ULK1: variants seen among roughly 807,000 people sequenced by gnomAD.
The protein encoded by ULK1 is unc-51 like autophagy activating kinase 1.
Under a neutral mutation model 117.5 loss-of-function variants are expected in ULK1, and 48 were observed. The observed-to-expected ratio is 0.41, with a 90% CI of 0.32 to 0.52. The LOEUF (loss-of-function observed/expected upper bound fraction) is 0.52. Among genes scored for constraint, ULK1 ranks in the 20% least tolerant of loss-of-function variants. The pLI, the probability that ULK1 is intolerant of heterozygous loss-of-function variation, is 0.29. For missense variants in ULK1, 1,387 were observed against 1,473.4 expected (o/e 0.94, Z 0.96); for synonymous variants, 790 against 637.8 (o/e 1.24, Z -3.60).
chr12:131,919,282 C>G lies in ULK1; in HGVS notation c.2582C>G (p.Ala861Gly), dbSNP rs1266516860. 1.9e-6 allele frequency: 3 copies of G among 1,598,878 alleles called. No homozygotes were observed. Among genetic ancestry groups the G allele is most frequent in the Non-Finnish European group, 1.7e-6 (2 of 1,176,692 alleles). ...TTCGTGCAGCACGTCCTGGAGATCG[C>G]AGCCCTGAAGGGCAGCGCCAGTGAG... is the stretch of plus-strand genomic sequence containing the variant. ...LLFVQHVLEI[A>G]ALKGSASEAA... The change falls in exon 24 of 28, where the codon GCA becomes GGA. Residue 861 changes from alanine (A) to glycine (G), a missense_variant. By Grantham distance (60) the Ala-to-Gly change is moderately conservative. This residue lies in a region of ULK1 where 900 missense variants were observed against 858.9 expected (regional missense o/e 1.05). Coordinates refer to ENST00000321867, the MANE Select transcript of ULK1 (RefSeq NM_003565.4).
rs1056066732 is a variant in ULK1 at position 131,902,454 on chromosome 12, G to A, written c.247-4438G>A. ...CTGCCTGGGACACCTGGCTCTGGCCGGCCGTGGGTGCGTGTGTGCAGGGTG... is the reference window on the plus strand; with the variant it reads ...CTGCCTGGGACACCTGGCTCTGGCCAGCCGTGGGTGCGTGTGTGCAGGGTG... On this transcript the variant is annotated intron_variant, in intron 3 of 27. Coordinates refer to ENST00000321867, the MANE Select transcript of ULK1 (RefSeq NM_003565.4). The surrounding 1 kb of genome is among the most constrained non-coding windows in gnomAD (Gnocchi z 6.3). 5.3e-5 allele frequency among the ~76,000 whole-genome samples: 8 copies of A among 152,180 alleles called. No individual in the cohort carries two copies. Among genetic ancestry groups the A allele is most frequent in the Non-Finnish European group, 1.2e-4 (8 of 68,030 alleles).
rs773585835 is a variant in ULK1, at chr12:131,912,022, C to T, written c.1029C>T (p.Asp343=). The T allele has an allele frequency of 6.2e-7, 1 of 1,612,788 alleles. No individual in the cohort carries two copies. The highest frequency in any genetic ancestry group is 1.3e-5 in the African/African-American group (1 of 74,942). Residue 343 remains aspartate (D), a synonymous_variant, in exon 13 of 28, where the codon GAC becomes GAT. Transcript: ENST00000321867. ...DTAGFLHSSR[D]SGGSKDSSCD... is the part of the protein sequence containing the mutation. ...CTGGCTTCCTGCACAGCTCCCGGGA[C>T]TCTGGTGGCAGCAAGGACTCTTCCT...
chr12:131,909,365 G>A (rs1889419129), intron 8 of ULK1, 128 bp downstream of exon 8: 4 of 1,054,770 alleles, frequency 3.8e-6, no homozygotes, highest in South Asian at 1.7e-5. Context: ...CTGGCGGGGC[G>A]GGCGTCCAGG....
chr12:131,916,649 A>T (rs1889802732), intron 20 of ULK1, 58 bp downstream of exon 20: 1 of 1,459,788 alleles, frequency 6.9e-7, no homozygotes, highest in South Asian at 1.3e-5. Context: ...TTTCCCCTGC[A>T]TTGTTCTGCT....
At position 131,902,959 on chromosome 12, in the gene ULK1, A is replaced by ATGTAG; in HGVS notation, c.247-3933_247-3932insTGTAG. The stretch of plus-strand genomic sequence containing the variant: ...AAAACCAAATGTAGCTGCGAGGCAG[A>ATGTAG]CGTGGAGCCCGATGCCCTGTGTGGG... On this transcript the variant is annotated intron_variant, in intron 3 of 27. Transcript: ENST00000321867. This position sits in a 1 kb window ranked among gnomAD's most constrained non-coding sequence, Gnocchi z 6.3. Among the ~76,000 whole-genome samples the ATGTAG allele has an allele frequency of 6.6e-6, 1 of 152,010 alleles. No individual in the cohort carries two copies. The highest frequency in any genetic ancestry group is 6.5e-5 in the Admixed American group (1 of 15,270).
At chr12:131,920,607 G>T (rs1198928442) in intron 26 of ULK1, 3 of 194,350 alleles carry the variant, frequency 1.5e-5, no homozygotes, top group African/African-American at 2.3e-5. Context: ...GTCTTGCACT[G>T]TTGCCCAGGC....
At chr12:131,895,564 GC>G (rs1271159618) in intron 1 of ULK1, 36 bp from the exon 2 acceptor site, 3 of 1,588,756 alleles carry the variant, frequency 1.9e-6, no homozygotes, top group Non-Finnish European at 2.6e-6. Context: ...CCTGCGAGGG[GC>G]AGCCCTGGCC....
chr12:131,919,061 G>A (rs1890026707), intron 23 of ULK1, 151 bp from the exon 24 acceptor site: 3 of 767,146 alleles, frequency 3.9e-6, no homozygotes, highest in Admixed American at 2.9e-5. Flanking sequence ...GGTGTGTGGG[G>A]TGTCGGGCGT....
chr12:131,913,108 G>A, intron 13 of ULK1, 90 bp from the exon 14 acceptor site: 2 of 1,276,042 alleles, frequency 1.6e-6, no homozygotes, highest in Non-Finnish European at 2.1e-6. Flanking sequence ...GGTGGAGTGT[G>A]CGTGGGGATC....
At chr12:131,906,096 C>G (rs564805371) in intron 3 of ULK1, among the ~76,000 whole-genome samples, 81 of 151,484 alleles carry the variant, frequency 5.3e-4, no homozygotes, top group Admixed American at 1.2e-3. Context: ...AATCTGTTGG[C>G]GTCTTCTTTT....
chr12:131,919,261 T>C lies in ULK1; in HGVS notation c.2561T>C (p.Val854Ala), dbSNP rs748677450. Residue 854 changes from valine (V) to alanine (A), a missense_variant, in exon 24 of 28, where the codon GTG (valine) becomes GCG (alanine). Val to Ala is a moderately conservative substitution (Grantham distance 64, BLOSUM62 0). Transcript: ENST00000321867. The stretch of plus-strand genomic sequence containing the variant: ...GGCCTGCGCTTCACGCTGCTGTTCG[T>C]GCAGCACGTCCTGGAGATCGCAGCC... ...LRGLRFTLLF[V>A]QHVLEIAALK... is the part of the protein sequence containing the mutation. The C allele has an allele frequency of 2.5e-6, 4 of 1,598,784 alleles. No individual in the cohort carries two copies. The highest frequency in any genetic ancestry group is 3.4e-6 in the Non-Finnish European group (4 of 1,177,522).
rs369987165 is a variant in ULK1, at chr12:131,909,464, G to A, written c.666+227G>A. 6.6e-5 allele frequency among the ~76,000 whole-genome samples: 10 copies of A among 152,118 alleles called. No individual in the cohort carries two copies. The South Asian group carries it at 1.0e-3, about 16-fold the overall frequency. On this transcript the variant is annotated intron_variant, in intron 8 of 27. Coordinates refer to ENST00000321867, the MANE Select transcript of ULK1 (RefSeq NM_003565.4). ...AGCTGCCCCCGGCAAGGCCTCCCTC[G>A]CCTGTCTGGTCGCCTGTCTAGTCGC... is the stretch of plus-strand genomic sequence containing the variant.
intron 3 of ULK1, among the ~76,000 whole-genome samples, chr12:131,899,113 A>G (rs2136378447): frequency 6.6e-6 from 1 of 150,982 alleles, no homozygotes; most frequent in South Asian, 2.1e-4. Flanking sequence ...GCCGGACCTC[A>G]CCTTCGACCT....
At chr12:131,909,681 GGCAGGGGCCGACTGGGGACGAAC>G in intron 8 of ULK1, 71 bp from the exon 9 acceptor site, 1 of 1,328,194 alleles carries the variant, frequency 7.5e-7, no homozygotes, top group Non-Finnish European at 1.0e-6. Flanking sequence ...CAGCGTCTGG[GGCAGGGGCCGACTGGGGACGAAC>G]GCACCGAGAC....
rs1889130096 is a variant in ULK1 at position 131,902,562 on chromosome 12, C to A, written c.247-4330C>A. Among the ~76,000 whole-genome samples the A allele has an allele frequency of 6.6e-6, 1 of 152,142 alleles. No individual in the cohort carries two copies. The highest frequency in any genetic ancestry group is 2.4e-5 in the African/African-American group (1 of 41,424). On this transcript the variant is annotated intron_variant, in intron 3 of 27. Coordinates refer to ENST00000321867, the MANE Select transcript of ULK1 (RefSeq NM_003565.4). This position sits in a 1 kb window ranked among gnomAD's most constrained non-coding sequence, Gnocchi z 6.3. ...GACAGTGGGGTGTTGATATTGCTGTCTTTTTGAAGTGTTCTGAGCCTCAGA... is the reference window on the plus strand; with the variant it reads ...GACAGTGGGGTGTTGATATTGCTGTATTTTTGAAGTGTTCTGAGCCTCAGA...
rs1191561201 is a variant in ULK1 at position 131,923,095 on chromosome 12, C to G, written c.*1734C>G. 1 of 152,248 alleles carries G rather than the reference C, an allele frequency of 6.6e-6. No homozygotes were observed. The highest frequency in any genetic ancestry group is 2.1e-4 in the South Asian group (1 of 4,838). The allele number at this position is 152,248 out of a possible 1,614,324, so 9.4% of individuals were successfully genotyped here. On this transcript the variant is annotated 3_prime_UTR_variant, in exon 28 of 28. Coordinates refer to ENST00000321867, the MANE Select transcript of ULK1 (RefSeq NM_003565.4). ...AAAGCGAATTTTGTGTGATTTCCTG[C>G]CCTTTGCGTTATATTGTATAATACC...
intron 3 of ULK1, among the ~76,000 whole-genome samples, chr12:131,900,715 A>G (rs564821568): frequency 6.6e-6 from 1 of 152,246 alleles, no homozygotes; most frequent in South Asian, 2.1e-4. Context: ...TGACTCACTC[A>G]GGCCCTGCAG....
chr12:131,903,920 C>T lies in ULK1; in HGVS notation c.247-2972C>T, dbSNP rs1889178069. Reference sequence around the variant, plus strand: ...TCTAGGAAGGTGACCTAGGGGGTGACATCTGTGACTCTGGGGCAAGGCCAG... The same window carrying T: ...TCTAGGAAGGTGACCTAGGGGGTGATATCTGTGACTCTGGGGCAAGGCCAG... On this transcript the variant is annotated intron_variant, in intron 3 of 27. Transcript: ENST00000321867. This position sits in a 1 kb window ranked among gnomAD's most constrained non-coding sequence, Gnocchi z 6.0. 6.6e-6 allele frequency among the ~76,000 whole-genome samples: 1 copy of T among 152,042 alleles called. No individual in the cohort carries two copies. The highest frequency in any genetic ancestry group is 2.4e-5 in the African/African-American group (1 of 41,404).
intron 4 of ULK1, 64 bp downstream of exon 4, chr12:131,906,988 G>C (rs937857871): frequency 1.9e-6 from 3 of 1,604,532 alleles, no homozygotes; most frequent in Non-Finnish European, 2.6e-6. Flanking sequence ...AGCCCCACAG[G>C]GAGGGACATG....
Sources: gnomAD v4.1 joint callset for allele counts (sites outside exome capture counted in the v4.1 genomes callset) on GRCh38, gnomAD v4.1.1 for gene constraint, gnomAD v4.1.1 regional missense constraint, Gnocchi (gnomAD v3.1) non-coding constraint, MANE v1.5 for transcripts, NCBI Gene and HGNC (gene_info 2026-07-23, HGNC 2026-07-21) for gene names.